TCF20: variants seen among roughly 807,000 people sequenced by gnomAD.
TCF20 encodes the protein transcription factor 20, also known as SPRE-binding protein.
TCF20 carries 3 observed loss-of-function variants against 148.6 expected under a neutral mutation model. The observed-to-expected ratio is 0.02, with a 90% confidence interval of 0.01 to 0.05. TCF20 has a LOEUF of 0.05. Ranked by LOEUF, TCF20 falls within the 10% of genes least tolerant of loss-of-function variation. TCF20 has a pLI of 1.00. For synonymous variants in TCF20, 1,049 were observed against 909.5 expected (o/e 1.15, Z -2.76); for missense variants, 2,350 against 2,429.3 (o/e 0.97, Z 0.69).
chr22:42,254,692 T>G (rs1925624053), intron 1 of TCF20, among the ~76,000 whole-genome samples: 1 of 152,084 alleles, frequency 6.6e-6, no homozygotes, highest in Admixed American at 6.5e-5. Context: ...GAAACTTCCA[T>G]AAAAATCCAA....
chr22:42,166,468 C>T (rs1006766589), intron 5 of TCF20, among the ~76,000 whole-genome samples: 2 of 152,058 alleles, frequency 1.3e-5, no homozygotes, highest in African/African-American at 4.8e-5. Flanking sequence ...ATTAGCTGGG[C>T]GTGGTGGTGC....
chr22:42,299,962 G>C lies in TCF20; in HGVS notation c.-37+43517C>G, dbSNP rs1443551124. 6.8e-6 allele frequency among the ~76,000 whole-genome samples: 1 copy of C among 147,330 alleles called. No individual in the cohort carries two copies. Among genetic ancestry groups the C allele is most frequent in the Non-Finnish European group, 1.5e-5 (1 of 66,652 alleles). On this transcript the variant is annotated intron_variant, in intron 1 of 1. Coordinates refer to the TCF20 transcript ENST00000515426. This position sits in a 1 kb window ranked among gnomAD's most constrained non-coding sequence, Gnocchi z 4.1. ...AAAGGAGAGGAGGGGAAGGAAGGGCGGGGAGGGGGAGGGGGAGGGGCGCGC... is the reference window on the plus strand; with the variant it reads ...AAAGGAGAGGAGGGGAAGGAAGGGCCGGGAGGGGGAGGGGGAGGGGCGCGC...
rs1921422061 is a variant in TCF20, at chr22:42,214,273, C to T, written c.1033G>A (p.Gly345Arg). 1 of 1,614,172 alleles carries T rather than the reference C, an allele frequency of 6.2e-7. No individual in the cohort carries two copies. The highest frequency in any genetic ancestry group is 8.5e-7 in the Non-Finnish European group (1 of 1,180,040). ...ATKLPLQSQV[G>R]QYNQPEVPVR... ...GGAACCTCAGGCTGGTTGTACTGCCCCACTTGGCTTTGCAGGGGCAGCTTG... is the reference window on the plus strand; with the variant it reads ...GGAACCTCAGGCTGGTTGTACTGCCTCACTTGGCTTTGCAGGGGCAGCTTG... Residue 345 changes from glycine to arginine, a missense_variant, in exon 2 of 6, where the codon GGG becomes AGG. Gly to Arg is a moderately radical substitution (Grantham distance 125). This residue lies in a region of TCF20 where 1,641 missense variants were observed against 1,662.6 expected (regional missense o/e 0.99). Coordinates refer to ENST00000677622, the MANE Select transcript of TCF20 (RefSeq NM_001378418.1).
intron 2 of TCF20, among the ~76,000 whole-genome samples, chr22:42,200,780 G>C (rs951475160): frequency 2.0e-5 from 3 of 151,930 alleles, no homozygotes; most frequent in African/African-American, 7.3e-5. Flanking sequence ...ACAGCCTCTC[G>C]AATGACCTGT....
At chr22:42,287,861 T>C (rs1601694148), upstream of TCF20, among the ~76,000 whole-genome samples, 1 of 149,570 alleles carries the variant, frequency 6.7e-6, no homozygotes, top group African/African-American at 2.5e-5. Context: ...AAAGCCTCAC[T>C]AGCCAAAAAA....
chr22:42,311,255 A>G (rs1445580431), intron 1 of TCF20, among the ~76,000 whole-genome samples: 1 of 152,244 alleles, frequency 6.6e-6, no homozygotes, highest in Admixed American at 6.5e-5. Flanking sequence ...GGGAGGCAGA[A>G]GGGGGCTGCC....
intron 1 of TCF20, among the ~76,000 whole-genome samples, chr22:42,319,009 C>G (rs1927685020): frequency 6.6e-6 from 1 of 152,240 alleles, no homozygotes; most frequent in South Asian, 2.1e-4. Context: ...CTGACACCTG[C>G]TCTGTGCCAC....
chr22:42,170,644 A>AAAAAAAAAAAAAAAAAAAAAAAC (rs1936079038), intron 3 of TCF20, among the ~76,000 whole-genome samples: 1 of 150,926 alleles, frequency 6.6e-6, no homozygotes, highest in Non-Finnish European at 1.5e-5. Flanking sequence ...AAAAAAAAAA[A>AAAAAAAAAAAAAAAAAAAAAAAC]AAAAAAAAAA....
chr22:42,201,087 A>AAC (rs906996726), intron 2 of TCF20, among the ~76,000 whole-genome samples: 2 of 152,158 alleles, frequency 1.3e-5, no homozygotes, highest in Non-Finnish European at 2.9e-5. Context: ...GAAAGTGTGC[A>AAC]ACACCTCGCA....
chr22:42,266,598 C>T (rs1404365461), intron 1 of TCF20, among the ~76,000 whole-genome samples: 1 of 151,912 alleles, frequency 6.6e-6, no homozygotes, highest in African/African-American at 2.4e-5. Context: ...GCCAAGATGG[C>T]GAATCCCCAT....
chr22:42,254,955 G>T (rs1422422680), intron 1 of TCF20, among the ~76,000 whole-genome samples: 1 of 11,110 alleles, frequency 9.0e-5, no homozygotes, highest in Non-Finnish European at 1.9e-4. Flanking sequence ...GCAAGACTCC[G>T]TCTCAAAAAA....
chr22:42,228,710 G>A (rs1601626579), intron 1 of TCF20, among the ~76,000 whole-genome samples: 1 of 152,224 alleles, frequency 6.6e-6, no homozygotes, highest in South Asian at 2.1e-4. Flanking sequence ...CAGCCAATGC[G>A]ACAGGATCTC....
chr22:42,303,300 G>A (rs570028912), intron 1 of TCF20, among the ~76,000 whole-genome samples: 6 of 152,314 alleles, frequency 3.9e-5, no homozygotes, highest in Non-Finnish European at 2.9e-5. Context: ...TCTTCACCAC[G>A]CGTACCGAGG....
chr22:42,185,666 A>C lies in TCF20; in HGVS notation c.5656-5964T>G, dbSNP rs932306087. On this transcript the variant is annotated intron_variant, in intron 2 of 5. Coordinates refer to ENST00000677622, the MANE Select transcript of TCF20 (RefSeq NM_001378418.1). ...TCAAGGCCCTGTGAGCATTTCTTTG[A>C]TGCAACTCTGCATCCTATCAAGCTT... 2.0e-5 allele frequency among the ~76,000 whole-genome samples: 3 copies of C among 152,196 alleles called. No individual in the cohort carries two copies. The East Asian group carries it at 5.8e-4, about 29-fold the overall frequency.
intron 1 of TCF20, among the ~76,000 whole-genome samples, chr22:42,233,387 C>T (rs1476726197): frequency 2.0e-5 from 3 of 152,226 alleles, no homozygotes; most frequent in African/African-American, 7.2e-5. Context: ...TGTGCCCTAA[C>T]TTCTACTGTT....
At chr22:42,341,160 G>C (rs539523958) in intron 1 of TCF20, among the ~76,000 whole-genome samples, 1 of 152,044 alleles carries the variant, frequency 6.6e-6, no homozygotes, top group Non-Finnish European at 1.5e-5. Flanking sequence ...TGCCTTTCTG[G>C]GGGGGATGCA....
chr22:42,298,915 C>T (rs1468779693), intron 1 of TCF20, among the ~76,000 whole-genome samples: 1 of 152,148 alleles, frequency 6.6e-6, no homozygotes, highest in South Asian at 2.1e-4. Context: ...TGCCTCAAGT[C>T]GGGGGAGGAC....
At chr22:42,232,560 G>C (rs1923519715) in intron 1 of TCF20, among the ~76,000 whole-genome samples, 1 of 152,158 alleles carries the variant, frequency 6.6e-6, no homozygotes, top group Non-Finnish European at 1.5e-5. Context: ...GGGCGCAGTG[G>C]CTCACGCCCG....
At chr22:42,200,192 G>A (rs1191779323) in intron 2 of TCF20, among the ~76,000 whole-genome samples, 2 of 151,968 alleles carry the variant, frequency 1.3e-5, no homozygotes, top group African/African-American at 2.4e-5. Flanking sequence ...CATATTAAAC[G>A]CAAACCTAAA....
Sources: gnomAD v4.1 joint callset for allele counts (sites outside exome capture counted in the v4.1 genomes callset) on GRCh38, gnomAD v4.1.1 for gene constraint, gnomAD v4.1.1 regional missense constraint, Gnocchi (gnomAD v3.1) non-coding constraint, MANE v1.5 for transcripts, NCBI Gene and HGNC (gene_info 2026-07-23, HGNC 2026-07-21) for gene names.